SYN3: variants seen among roughly 807,000 people sequenced by gnomAD.
The protein encoded by SYN3 is synapsin III.
A neutral mutation model predicts 65.8 loss-of-function variants in SYN3; 35 were observed. The ratio of observed to expected loss-of-function variants is 0.53; its 90% CI spans 0.41 to 0.70. SYN3 has a LOEUF of 0.70. SYN3 is among the 30% of genes least tolerant of loss of function. The pLI, the probability that SYN3 is intolerant of heterozygous loss-of-function variation, is 0.00. For synonymous variants in SYN3, 270 were observed against 292.9 expected (o/e 0.92, Z 0.80); for missense variants, 680 against 749.0 (o/e 0.91, Z 1.08).
chr22:32,640,857 ACT>A (rs968542349), intron 6 of SYN3, among the ~76,000 whole-genome samples: 2 of 151,360 alleles, frequency 1.3e-5, no homozygotes, highest in East Asian at 3.9e-4. Context: ...ACAGAGCAAG[ACT>A]CTGTCTCGGA....
At chr22:32,517,795 G>A (rs926961368) in intron 13 of SYN3, among the ~76,000 whole-genome samples, 5 of 152,032 alleles carry the variant, frequency 3.3e-5, no homozygotes, top group Non-Finnish European at 7.4e-5. Flanking sequence ...TTGTTATGCA[G>A]CAAACAATAG....
intron 6 of SYN3, among the ~76,000 whole-genome samples, chr22:32,647,441 T>C (rs2059999179): frequency 6.7e-6 from 1 of 150,220 alleles, no homozygotes; most frequent in Admixed American, 6.6e-5. Context: ...GCTTTGAGAT[T>C]TTTCTTTTTC....
At chr22:32,568,681 C>A (rs139615140) in intron 7 of SYN3, among the ~76,000 whole-genome samples, 3 of 152,100 alleles carry the variant, frequency 2.0e-5, no homozygotes, top group Non-Finnish European at 4.4e-5. Context: ...CATGACCTCC[C>A]GAAGGCTCCA....
chr22:32,627,923 G>A (rs535366900), intron 6 of SYN3, among the ~76,000 whole-genome samples: 8 of 152,230 alleles, frequency 5.3e-5, no homozygotes, highest in Middle Eastern at 3.4e-3. Context: ...CCGCCTCCCG[G>A]GTTCAAGTGA....
rs73156440 is a variant in SYN3, at chr22:32,737,917, C to T, written c.711+126998G>A. On this transcript the variant is annotated intron_variant, in intron 6 of 13. Coordinates refer to ENST00000358763, the MANE Select transcript of SYN3 (RefSeq NM_003490.4). ...TGCCATGCTGATCATGGAGGCCATG[C>T]GCTCCAGAGGATGTGGTGGCCAGAT... Among the ~76,000 whole-genome samples, 623 of 152,284 alleles carry T rather than the reference C, an allele frequency of 4.1e-3. 4 individuals are homozygous for T. Among genetic ancestry groups the T allele is most frequent in the East Asian group, 0.013 (68 of 5,178 alleles).
intron 6 of SYN3, among the ~76,000 whole-genome samples, chr22:32,652,401 A>G (rs939818590): frequency 4.0e-5 from 6 of 151,030 alleles, no homozygotes; most frequent in African/African-American, 1.5e-4. Context: ...TTGGAAAAAA[A>G]AAAGTTTTCT....
At chr22:32,573,897 G>A (rs2058814439) in intron 7 of SYN3, among the ~76,000 whole-genome samples, 1 of 150,842 alleles carries the variant, frequency 6.6e-6, no homozygotes, top group Middle Eastern at 3.4e-3. Flanking sequence ...AGCCTCCCGA[G>A]TAGCTGGGAT....
At chr22:32,787,687 A>C (rs1251036206) in intron 6 of SYN3, among the ~76,000 whole-genome samples, 1 of 152,268 alleles carries the variant, frequency 6.6e-6, no homozygotes, top group Non-Finnish European at 1.5e-5. Context: ...AGGACAATTA[A>C]TAAACATTTT....
Position 32,829,788 on chromosome 22 carries a change from G to A in SYN3, c.711+35127C>T, listed in dbSNP as rs5998643. On this transcript the variant is annotated intron_variant, in intron 6 of 13. Transcript: ENST00000358763. ...CCCACACCCACAGCTCCTCCAGAAG[G>A]AAGGTTTGTCAGCGGGCTTCACCAT... Among the ~76,000 whole-genome samples the A allele has an allele frequency of 8.2e-4, 125 of 152,340 alleles. 1 individual carries two copies. The highest frequency in any genetic ancestry group is 2.6e-3 in the African/African-American group (108 of 41,574).
At chr22:32,897,364 C>T (rs535034355) in intron 4 of SYN3, among the ~76,000 whole-genome samples, 15 of 152,196 alleles carry the variant, frequency 9.9e-5, no homozygotes, top group Admixed American at 3.9e-4. Flanking sequence ...CTCTTGGATG[C>T]TGCGTGCAGC....
intron 4 of SYN3, among the ~76,000 whole-genome samples, chr22:32,912,202 C>T (rs888399736): frequency 7.2e-5 from 11 of 152,090 alleles, no homozygotes; most frequent in Non-Finnish European, 1.2e-4. Context: ...GCTTTGGGCA[C>T]GATGGAGGTC....
At chr22:32,895,882 C>T (rs753519831) in intron 4 of SYN3, among the ~76,000 whole-genome samples, 25 of 152,116 alleles carry the variant, frequency 1.6e-4, no homozygotes, top group South Asian at 4.1e-4. Context: ...ACCAACCCAG[C>T]CTGTTATTTA....
intron 6 of SYN3, among the ~76,000 whole-genome samples, chr22:32,772,066 G>A (rs988784335): frequency 2.6e-5 from 4 of 151,962 alleles, no homozygotes; most frequent in African/African-American, 7.3e-5. Context: ...AACCCTCCTA[G>A]GACATCTGAA....
At chr22:32,850,061 C>T (rs754942318) in intron 6 of SYN3, among the ~76,000 whole-genome samples, 1 of 150,682 alleles carries the variant, frequency 6.6e-6, no homozygotes, top group Non-Finnish European at 1.5e-5. Flanking sequence ...AGGAACTTCA[C>T]CTTCTTTCCC....
chr22:33,053,936 C>T (rs142898834), intron 1 of SYN3, among the ~76,000 whole-genome samples: 17 of 152,108 alleles, frequency 1.1e-4, no homozygotes, highest in Non-Finnish European at 1.9e-4. Context: ...AAGTGTTTGC[C>T]GAAGTTCTAA....
intron 3 of SYN3, among the ~76,000 whole-genome samples, chr22:32,968,084 T>C (rs745982895): frequency 6.6e-6 from 1 of 152,054 alleles, no homozygotes; most frequent in Non-Finnish European, 1.5e-5. Flanking sequence ...CAAGAGGAGG[T>C]TGGCAATGGC....
intron 6 of SYN3, among the ~76,000 whole-genome samples, chr22:32,632,792 G>A (rs143868284): frequency 7.3e-4 from 111 of 152,244 alleles, no homozygotes; most frequent in African/African-American, 2.6e-3. Context: ...CAGGGAAATC[G>A]CCACTTCACT....
chr22:32,929,382 G>A (rs2050566993), intron 4 of SYN3, among the ~76,000 whole-genome samples: 1 of 152,026 alleles, frequency 6.6e-6, no homozygotes, highest in Non-Finnish European at 1.5e-5. Context: ...GATATGTATA[G>A]TTTTTAAAAA....
intron 6 of SYN3, among the ~76,000 whole-genome samples, chr22:32,819,154 G>A (rs1244121843): frequency 1.3e-5 from 2 of 152,258 alleles, no homozygotes; most frequent in Admixed American, 1.3e-4. Flanking sequence ...TTCCACTAGG[G>A]AGTGAGGTAG....
Sources: allele counts gnomAD v4.1 joint callset (sites outside exome capture counted in the v4.1 genomes callset), GRCh38; gene constraint gnomAD v4.1.1; transcripts MANE v1.5; gene names NCBI Gene and HGNC (gene_info 2026-07-23, HGNC 2026-07-21).